The following MACROD1 variants were observed in gnomAD, a reference collection of about 807,000 sequenced individuals.
MACROD1 encodes mono-ADP ribosylhydrolase 1, also known as ADP-ribose glycohydrolase MACROD1.
A neutral mutation model predicts 41.4 loss-of-function variants in MACROD1; 31 were observed. The ratio of observed to expected loss-of-function variants is 0.75; its 90% confidence interval spans 0.56 to 1.01. The LOEUF is 1.01. Among genes scored for constraint, MACROD1 ranks in the 50% least tolerant of loss-of-function variants. The pLI is 0.00. For synonymous variants in MACROD1, 252 were observed against 203.4 expected, an observed-to-expected ratio of 1.24 and a Z score of -2.03; for missense variants, 473 against 460.0, an observed-to-expected ratio of 1.03 and a Z score of -0.26.
intron 3 of MACROD1, among the ~76,000 whole-genome samples, chr11:64,025,912 G>C (rs765629686): frequency 6.6e-6 from 1 of 151,984 alleles, no homozygotes; most frequent in Non-Finnish European, 1.5e-5. Flanking sequence ...GCCGGGCGCC[G>C]TAACTCACAC....
chr11:64,010,096 T>G (rs116284807), intron 4 of MACROD1, among the ~76,000 whole-genome samples: 5,265 of 116,598 alleles, frequency 0.045, 409 homozygotes, highest in African/African-American at 0.17. Context: ...TTGGTTGGGG[T>G]GTTGGTTGGG....
chr11:64,140,028 T>A (rs1283495028), intron 3 of MACROD1, among the ~76,000 whole-genome samples: 1 of 151,488 alleles, frequency 6.6e-6, no homozygotes, highest in Non-Finnish European at 1.5e-5. Context: ...CAGTTCTGTC[T>A]GGTAAGCAGC....
chr11:64,098,733 G>A (rs967239133), intron 3 of MACROD1, among the ~76,000 whole-genome samples: 2 of 152,222 alleles, frequency 1.3e-5, no homozygotes, highest in African/African-American at 4.8e-5. Context: ...GCTCTGACCT[G>A]CTTACAATGA....
At chr11:64,137,312 G>A (rs1945346785) in intron 3 of MACROD1, among the ~76,000 whole-genome samples, 1 of 152,210 alleles carries the variant, frequency 6.6e-6, no homozygotes, top group Non-Finnish European at 1.5e-5. Flanking sequence ...ACAGCCATGT[G>A]AGGGGCGAGC....
intron 3 of MACROD1, among the ~76,000 whole-genome samples, chr11:64,026,132 G>A (rs1590811244): frequency 6.6e-6 from 1 of 152,318 alleles, no homozygotes; most frequent in South Asian, 2.1e-4. Flanking sequence ...AGTGAGCCGA[G>A]ATTGTGCCAT....
chr11:64,084,340 G>A (rs536493376), intron 3 of MACROD1, among the ~76,000 whole-genome samples: 16 of 152,234 alleles, frequency 1.1e-4, no homozygotes, highest in Admixed American at 2.0e-4. Context: ...CCCCAGCCTC[G>A]AGGAGCCCCT....
intron 4 of MACROD1, among the ~76,000 whole-genome samples, chr11:64,010,606 GC>G (rs1942994576): frequency 6.8e-6 from 1 of 148,022 alleles, no homozygotes; most frequent in Non-Finnish European, 1.5e-5. Flanking sequence ...CTGCCATGTT[GC>G]TTGAGGTGTT....
chr11:64,116,150 T>A lies in MACROD1; in HGVS notation c.517+35089A>T, dbSNP rs1944974847. On this transcript the variant is annotated intron_variant, in intron 3 of 10. Transcript: ENST00000255681. ...GTACAGGCTGGCAGGTGGGAGGGAA[T>A]GCACGATTCACTCCTGGGGTCGCTG... 5 of 1,446,356 alleles carry A rather than the reference T, an allele frequency of 3.5e-6. No homozygotes were observed. In the East Asian group the frequency reaches 1.2e-4, roughly 34 times the overall value. 89.6% of individuals were successfully genotyped at this position (1,446,356 alleles called of 1,614,324 possible).
intron 3 of MACROD1, chr11:64,118,443 C>A: frequency 1.1e-6 from 1 of 917,990 alleles, no homozygotes; most frequent in Non-Finnish European, 1.5e-6. Context: ...GGAGGGCTGA[C>A]GATTTTGTAG....
At chr11:64,094,862 G>C (rs1250103999) in intron 3 of MACROD1, among the ~76,000 whole-genome samples, 1 of 152,216 alleles carries the variant, frequency 6.6e-6, no homozygotes, top group Non-Finnish European at 1.5e-5. Flanking sequence ...ATCCAGGTTG[G>C]GGGGCCCAGG....
chr11:64,117,418 A>G (rs754759917), intron 3 of MACROD1: 7 of 1,612,284 alleles, frequency 4.3e-6, no homozygotes. Context: ...ACGGGGCCGC[A>G]GGGCGGCGTG....
At chr11:64,095,551 G>A (rs1944561036) in intron 3 of MACROD1, among the ~76,000 whole-genome samples, 1 of 152,216 alleles carries the variant, frequency 6.6e-6, no homozygotes, top group Non-Finnish European at 1.5e-5. Context: ...GCTGGAGGCT[G>A]GCAGAGCTGG....
chr11:64,078,781 CT>C (rs1296054813), intron 3 of MACROD1, among the ~76,000 whole-genome samples: 3 of 150,470 alleles, frequency 2.0e-5, no homozygotes, highest in Non-Finnish European at 4.4e-5. Context: ...AGACGGGTGA[CT>C]GCAGGGGGGG....
intron 3 of MACROD1, among the ~76,000 whole-genome samples, chr11:64,061,504 C>T (rs1463362634): frequency 6.6e-6 from 1 of 152,158 alleles, no homozygotes; most frequent in Non-Finnish European, 1.5e-5. Context: ...CCAGGCAGCT[C>T]CTCCCCGGCT....
chr11:64,070,627 C>T (rs1185771981), intron 3 of MACROD1, among the ~76,000 whole-genome samples: 1 of 152,148 alleles, frequency 6.6e-6, no homozygotes, highest in Non-Finnish European at 1.5e-5. Context: ...GAGAAAGCAC[C>T]ATAACTAACA....
intron 3 of MACROD1, among the ~76,000 whole-genome samples, chr11:64,073,284 C>A (rs898485063): frequency 6.6e-6 from 1 of 152,196 alleles, no homozygotes; most frequent in Non-Finnish European, 1.5e-5. Context: ...TGTGATCAAC[C>A]GGCTGTCACT....
At chr11:64,054,874 C>T (rs1032086388) in intron 3 of MACROD1, among the ~76,000 whole-genome samples, 2 of 151,978 alleles carry the variant, frequency 1.3e-5, no homozygotes, top group Non-Finnish European at 1.5e-5. Flanking sequence ...TAGCATCTCC[C>T]GTGACAAATA....
intron 3 of MACROD1, among the ~76,000 whole-genome samples, chr11:64,040,394 C>T (rs1462414922): frequency 1.3e-5 from 2 of 152,226 alleles, no homozygotes; most frequent in South Asian, 2.1e-4. Context: ...TGGAGACCCC[C>T]GGCAGGAGGG....
Position 63,999,292 on chromosome 11 carries a change from G to A in MACROD1, c.891+39C>T, listed in dbSNP as rs320151. The A allele has an allele frequency of 4.6e-3, 7,087 of 1,542,554 alleles. 239 individuals are homozygous for A. In the African/African-American group the frequency reaches 0.08, roughly 17 times the overall value. On this transcript the variant is annotated intron_variant, in intron 8 of 10. Coordinates refer to ENST00000255681, the MANE Select transcript of MACROD1 (RefSeq NM_014067.4). ...ATGATGGGGGCTGGTCACTCTGGCC[G>A]GGATGCGGACCCCACCCTCGCCCGG...
Sources: allele counts gnomAD v4.1 joint callset (sites outside exome capture counted in the v4.1 genomes callset), GRCh38; gene constraint gnomAD v4.1.1; transcripts MANE v1.5; gene names NCBI Gene and HGNC (gene_info 2026-07-23, HGNC 2026-07-21).